The following CNOT4 variants were observed in gnomAD, a reference collection of about 807,000 sequenced individuals.
CNOT4 encodes the protein CCR4-NOT transcription complex subunit 4, also known as CCR4-associated factor 4.
CNOT4 carries 8 observed loss-of-function variants against 73.8 expected under a neutral mutation model. The ratio of observed to expected loss-of-function variants is 0.11; its 90% CI spans 0.06 to 0.20. CNOT4 has a LOEUF of 0.20. Among genes scored for constraint, CNOT4 ranks in the 10% least tolerant of loss-of-function variants. The pLI, the probability that CNOT4 is intolerant of heterozygous loss-of-function variation, is 1.00. For synonymous variants in CNOT4, 293 were observed against 321.1 expected (o/e 0.91, Z 0.94); for missense variants, 564 against 883.4 (o/e 0.64, Z 4.58).
chr7:135,386,943 A>G (rs1253436339), intron 10 of CNOT4: 1 of 311,696 alleles, frequency 3.2e-6, no homozygotes, highest in African/African-American at 2.3e-5. Context: ...ATGGCTTTGT[A>G]AGAAGATCCA....
intron 10 of CNOT4, among the ~76,000 whole-genome samples, chr7:135,369,304 T>C (rs1353207755): frequency 4.6e-5 from 7 of 152,182 alleles, no homozygotes; most frequent in Non-Finnish European, 1.0e-4. Flanking sequence ...TGCCACCAAA[T>C]CAGGATATTG....
At chr7:135,366,554 A>G (rs1026897445) in intron 10 of CNOT4, among the ~76,000 whole-genome samples, 4 of 152,246 alleles carry the variant, frequency 2.6e-5, no homozygotes, top group African/African-American at 9.6e-5. Context: ...CACTATGATT[A>G]CAGGATACCT....
In CNOT4 at chr7:135,410,436, C is replaced by T. The variant is rs180955230; in HGVS notation, c.821+79G>A. On this transcript the variant is annotated intron_variant, in intron 7 of 11. Transcript: ENST00000541284. Reference sequence around the variant, plus strand: ...ACAGACCTTGTCAACAAGGATTTTGCCTGAAAAAGATCTAAAATGAAAAGA... The same window carrying T: ...ACAGACCTTGTCAACAAGGATTTTGTCTGAAAAAGATCTAAAATGAAAAGA... The T allele has an allele frequency of 3.9e-5, 38 of 964,860 alleles. No individual in the cohort carries two copies. In the African/African-American group the frequency reaches 4.1e-4, roughly 10 times the overall value. The allele number at this position is 964,860 out of a possible 1,614,324, so 59.8% of individuals were successfully genotyped here.
At chr7:135,381,239 G>T (rs574051803) in intron 10 of CNOT4, among the ~76,000 whole-genome samples, 1 of 152,164 alleles carries the variant, frequency 6.6e-6, no homozygotes, top group African/African-American at 2.4e-5. Context: ...TTCATTAAGT[G>T]GAAGATTTAA....
chr7:135,493,861 T>C (rs1391786069), intron 1 of CNOT4, among the ~76,000 whole-genome samples: 1 of 152,150 alleles, frequency 6.6e-6, no homozygotes, highest in Non-Finnish European at 1.5e-5. Flanking sequence ...GTAATGCACT[T>C]GTAAGGTGTT....
At chr7:135,460,096 G>A (rs1224516906) in intron 1 of CNOT4, among the ~76,000 whole-genome samples, 2 of 152,256 alleles carry the variant, frequency 1.3e-5, no homozygotes, top group Non-Finnish European at 2.9e-5. Flanking sequence ...TGCTCTGGAT[G>A]TGAGTTAGAG....
chr7:135,420,681 G>C (rs1422906388), intron 3 of CNOT4, among the ~76,000 whole-genome samples: 1 of 151,162 alleles, frequency 6.6e-6, no homozygotes, highest in African/African-American at 2.4e-5. Context: ...GAAGTGCCCT[G>C]TGGTTAGAAA....
At chr7:135,395,108 C>A (rs898767470) in intron 9 of CNOT4, among the ~76,000 whole-genome samples, 6 of 152,092 alleles carry the variant, frequency 3.9e-5, no homozygotes, top group Non-Finnish European at 7.4e-5. Flanking sequence ...TAAGTCCTTG[C>A]CAGGTGCAGT....
At chr7:135,463,817 GAACA>G (rs771151563) in intron 1 of CNOT4, among the ~76,000 whole-genome samples, 26 of 150,778 alleles carry the variant, frequency 1.7e-4, no homozygotes, top group Non-Finnish European at 3.3e-4. Flanking sequence ...CATTTATAAG[GAACA>G]AACAAATTTA....
chr7:135,362,631 TCC>T lies in CNOT4; in HGVS notation c.*252_*253del. The T allele has an allele frequency of 3.4e-6, 2 of 589,894 alleles. No individual in the cohort carries two copies. The highest frequency in any genetic ancestry group is 2.9e-5 in the East Asian group (1 of 33,964). The allele number at this position is 589,894 out of a possible 1,614,324, so 36.5% of individuals were successfully genotyped here. A position where few individuals can be genotyped will look rare whatever the true frequency, so the allele number is the denominator to read the frequency against. ...GACTGCCCTTTGATTTTTTTTTCTC[TCC>T]TTAAAAAGGCATTTTTAGAAACATT... On this transcript the variant is annotated 3_prime_UTR_variant, in exon 12 of 12. Transcript: ENST00000541284.
chr7:135,397,735 C>G (rs534905582), intron 8 of CNOT4, among the ~76,000 whole-genome samples: 158 of 152,106 alleles, frequency 1.0e-3, no homozygotes, highest in African/African-American at 3.7e-3. Context: ...CATTTCAAAG[C>G]TGATAGTCAT....
chr7:135,377,834 T>C (rs1473152420), intron 10 of CNOT4, among the ~76,000 whole-genome samples: 1 of 152,170 alleles, frequency 6.6e-6, no homozygotes. Flanking sequence ...TCTCAGTCAA[T>C]ATTGAATCTT....
chr7:135,365,434 G>A (rs914480791), intron 10 of CNOT4, among the ~76,000 whole-genome samples: 2 of 151,774 alleles, frequency 1.3e-5, no homozygotes, highest in African/African-American at 4.8e-5. Flanking sequence ...TGTGTTGTAT[G>A]GTTTACAAGG....
In CNOT4 at chr7:135,480,672, C is replaced by A. The variant is rs114523222; in HGVS notation, c.-93+29217G>T. 9.8e-3 allele frequency among the ~76,000 whole-genome samples: 1,488 copies of A among 152,284 alleles called. 23 individuals carry two copies. Among genetic ancestry groups the A allele is most frequent in the African/African-American group, 0.034 (1,423 of 41,568 alleles). Reference sequence around the variant, plus strand: ...CTATTAGAACCATTGCAGAGGCATTCATCTGTGTCCCATGAAATGTCTTTT... The same window carrying A: ...CTATTAGAACCATTGCAGAGGCATTAATCTGTGTCCCATGAAATGTCTTTT... On this transcript the variant is annotated intron_variant, in intron 1 of 11. Coordinates refer to ENST00000541284, the MANE Select transcript of CNOT4 (RefSeq NM_001190850.2).
At chr7:135,385,008 C>T (rs1796052681) in intron 10 of CNOT4, among the ~76,000 whole-genome samples, 1 of 151,568 alleles carries the variant, frequency 6.6e-6, no homozygotes, top group South Asian at 2.1e-4. Flanking sequence ...TTACGCTTTC[C>T]AATTTCTAAT....
chr7:135,500,615 A>C (rs1489083752), intron 1 of CNOT4, among the ~76,000 whole-genome samples: 1 of 152,216 alleles, frequency 6.6e-6, no homozygotes, highest in Non-Finnish European at 1.5e-5. Flanking sequence ...TTTTCATTTC[A>C]CAATCTCCCT....
chr7:135,461,905 CT>C (rs572200977), intron 1 of CNOT4, among the ~76,000 whole-genome samples: 1 of 151,758 alleles, frequency 6.6e-6, no homozygotes, highest in African/African-American at 2.4e-5. Context: ...AATTAACTGT[CT>C]TTTTTTTACC....
chr7:135,396,893 T>C (rs1386977353), intron 8 of CNOT4, among the ~76,000 whole-genome samples: 2 of 152,152 alleles, frequency 1.3e-5, no homozygotes, highest in African/African-American at 4.8e-5. Flanking sequence ...GCCCTATTCT[T>C]CATTAAGAGA....
Position 135,504,226 on chromosome 7 carries a change from A to G in CNOT4, c.-93+5663T>C, listed in dbSNP as rs549060421. On this transcript the variant is annotated intron_variant, in intron 1 of 11. Transcript: ENST00000541284. The stretch of plus-strand genomic sequence containing the variant: ...GAAATTTCAGTCTAATTGCTTTTCA[A>G]AATTCAATCACTATTTTGCCTACAT... Among the ~76,000 whole-genome samples the G allele has an allele frequency of 2.6e-5, 4 of 152,280 alleles. No individual in the cohort carries two copies. In the South Asian group the frequency reaches 6.2e-4, roughly 24 times the overall value.
Sources: gnomAD v4.1 joint callset for allele counts (sites outside exome capture counted in the v4.1 genomes callset) on GRCh38, gnomAD v4.1.1 for gene constraint, MANE v1.5 for transcripts, NCBI Gene and HGNC (gene_info 2026-07-23, HGNC 2026-07-21) for gene names.